Variants in SHANK2 observed in about 807,000 individuals in gnomAD.
SHANK2 encodes the protein SH3 and multiple ankyrin repeat domains protein 2.
A neutral mutation model predicts 133.7 loss-of-function variants in SHANK2; 43 were observed. The observed-to-expected ratio is 0.32, with a 90% CI of 0.25 to 0.41. The LOEUF is 0.41. SHANK2 is among the 10% of genes least tolerant of loss of function. The pLI, the probability that SHANK2 is intolerant of heterozygous loss-of-function variation, is 1.00. For synonymous variants in SHANK2, 1,017 were observed against 952.8 expected (o/e 1.07, Z -1.24); for missense variants, 1,994 against 2,235.8 (o/e 0.89, Z 2.18).
intron 17 of SHANK2, among the ~76,000 whole-genome samples, chr11:70,510,824 G>C (rs374535567): frequency 4.6e-5 from 7 of 152,324 alleles, no homozygotes; most frequent in African/African-American, 1.7e-4. Flanking sequence ...CCCTTTCCTG[G>C]TGAAGAGGAA....
chr11:71,237,894 C>T (rs979039189), intron 1 of SHANK2, among the ~76,000 whole-genome samples: 25 of 152,336 alleles, frequency 1.6e-4, no homozygotes, highest in African/African-American at 6.0e-4. Flanking sequence ...AAAGGATGAA[C>T]ACACACCACT....
intron 11 of SHANK2, among the ~76,000 whole-genome samples, chr11:70,851,120 A>G (rs1190285954): frequency 2.6e-5 from 4 of 151,834 alleles, no homozygotes; most frequent in African/African-American, 9.7e-5. Context: ...ATCCCTCCCT[A>G]CTCTCTGGAC....
intron 17 of SHANK2, among the ~76,000 whole-genome samples, chr11:70,617,133 A>G (rs11236890): frequency 0.45 from 68,335 of 151,038 alleles, 16,161 homozygotes; most frequent in Middle Eastern, 0.58. Context: ...GAGTATGCTA[A>G]TGTATGTGTG....
intron 21 of SHANK2, among the ~76,000 whole-genome samples, chr11:70,493,673 T>C (rs2058929654): frequency 1.3e-5 from 2 of 152,112 alleles, no homozygotes; most frequent in African/African-American, 2.4e-5. Context: ...ACTTCTAAGA[T>C]GTCACTGGGT....
At chr11:70,588,010 A>C (rs975309135) in intron 17 of SHANK2, among the ~76,000 whole-genome samples, 4 of 152,124 alleles carry the variant, frequency 2.6e-5, no homozygotes, top group Non-Finnish European at 1.5e-5. Context: ...GAGATGACTG[A>C]TCTTTGATGC....
intron 17 of SHANK2, among the ~76,000 whole-genome samples, chr11:70,596,284 G>A (rs546725637): frequency 6.6e-6 from 1 of 152,322 alleles, no homozygotes; most frequent in African/African-American, 2.4e-5. Flanking sequence ...GCCTCCTGCT[G>A]ACTTCAATTC....
At chr11:70,620,923 C>A (rs1039211650) in intron 17 of SHANK2, among the ~76,000 whole-genome samples, 1 of 152,314 alleles carries the variant, frequency 6.6e-6, no homozygotes. Context: ...CTTGTTTAAG[C>A]CCCCTGGTCT....
intron 2 of SHANK2, among the ~76,000 whole-genome samples, chr11:71,193,582 C>G (rs1591006892): frequency 6.6e-6 from 1 of 152,280 alleles, no homozygotes; most frequent in South Asian, 2.1e-4. Flanking sequence ...CTGTTAGGAC[C>G]AGAGTCCCCA....
At chr11:71,206,706 C>A (rs1291889789) in intron 2 of SHANK2, among the ~76,000 whole-genome samples, 1 of 152,260 alleles carries the variant, frequency 6.6e-6, no homozygotes, top group African/African-American at 2.4e-5. Context: ...AAGGCCGAGG[C>A]AGGAGGGTCA....
chr11:70,784,412 A>G (rs892606327), intron 14 of SHANK2, among the ~76,000 whole-genome samples: 1 of 121,702 alleles, frequency 8.2e-6, no homozygotes, highest in Admixed American at 1.1e-4. Context: ...GGTGCAGTGC[A>G]GTAGTGTGAT....
chr11:70,872,632 G>T (rs542409712), intron 11 of SHANK2, among the ~76,000 whole-genome samples: 6 of 152,102 alleles, frequency 3.9e-5, no homozygotes, highest in African/African-American at 1.4e-4. Flanking sequence ...GGGGCACACA[G>T]GTCCGTGAGC....
intron 11 of SHANK2, among the ~76,000 whole-genome samples, chr11:70,887,677 T>A (rs1294167556): frequency 6.6e-6 from 1 of 152,172 alleles, no homozygotes; most frequent in Non-Finnish European, 1.5e-5. Context: ...CACTTGATCC[T>A]TTAAAGAGAC....
chr11:71,134,986 C>G (rs1952409655), intron 3 of SHANK2, among the ~76,000 whole-genome samples: 1 of 152,138 alleles, frequency 6.6e-6, no homozygotes, highest in Non-Finnish European at 1.5e-5. Flanking sequence ...ACAACCATGG[C>G]CTCCTTGTCA....
At chr11:71,247,220 A>C (rs1954972539) in intron 1 of SHANK2, among the ~76,000 whole-genome samples, 1 of 152,224 alleles carries the variant, frequency 6.6e-6, no homozygotes. Context: ...CGATGGGTTT[A>C]TATCACAGTG....
rs183437842 is a variant in SHANK2 at position 70,742,961 on chromosome 11, T to C, written c.1778-44198A>G. On this transcript the variant is annotated intron_variant, in intron 14 of 25. Transcript: ENST00000601538. ...CGGCTCCTGGCCTGGCGTCCTTGGA[T>C]GTCTGGCATCTGGAATTCTGCAGAA... is the stretch of plus-strand genomic sequence containing the variant. Among the ~76,000 whole-genome samples the C allele has an allele frequency of 6.6e-5, 10 of 152,370 alleles. 1 individual carries two copies. Among genetic ancestry groups the C allele is most frequent in the African/African-American group, 2.2e-4 (9 of 41,574 alleles).
At chr11:70,581,331 T>C (rs1554985406) in intron 17 of SHANK2, among the ~76,000 whole-genome samples, 3 of 149,608 alleles carry the variant, frequency 2.0e-5, no homozygotes, top group Non-Finnish European at 4.4e-5. Context: ...ATTAAGGTTG[T>C]TGGTGCTTCA....
intron 2 of SHANK2, among the ~76,000 whole-genome samples, chr11:71,196,981 G>C (rs1322660205): frequency 7.8e-6 from 1 of 128,672 alleles, no homozygotes; most frequent in Non-Finnish European, 1.6e-5. Flanking sequence ...CTTGGTGACA[G>C]AGTGAGACTC....
rs1039346625 is a variant in SHANK2 at position 70,594,085 on chromosome 11, G to A, written c.2061+65743C>T. Among the ~76,000 whole-genome samples the A allele has an allele frequency of 5.3e-5, 8 of 152,248 alleles. No individual in the cohort carries two copies. The East Asian group carries it at 1.4e-3, about 26-fold the overall frequency. On this transcript the variant is annotated intron_variant, in intron 17 of 25. Coordinates refer to ENST00000601538, the MANE Select transcript of SHANK2 (RefSeq NM_012309.5). ...GTTGGAGCTGCCCGATTCGTAAATC[G>A]CTGCTTGCTCACATCAATTCTTTAA...
At chr11:70,813,529 A>G in intron 12 of SHANK2, among the ~76,000 whole-genome samples, 1 of 152,024 alleles carries the variant, frequency 6.6e-6, no homozygotes. Context: ...TTCAAGAGGC[A>G]CAATCACCCA....
Sources: allele counts gnomAD v4.1 joint callset (sites outside exome capture counted in the v4.1 genomes callset), GRCh38; gene constraint gnomAD v4.1.1; transcripts MANE v1.5; gene names NCBI Gene and HGNC (gene_info 2026-07-23, HGNC 2026-07-21).